Variants in RNASEL observed in about 807,000 individuals in gnomAD.
RNASEL encodes the protein ribonuclease L.
In RNASEL, 36 loss-of-function variants were observed where a neutral mutation model predicts 50.9. The observed-to-expected ratio is 0.71, with a 90% CI of 0.54 to 0.93. RNASEL has a LOEUF of 0.93. Among genes scored for constraint, RNASEL ranks in the 40% least tolerant of loss-of-function variants. RNASEL has a pLI of 0.00. For missense variants in RNASEL, 860 were observed against 894.5 expected (o/e 0.96, Z 0.49); for synonymous variants, 335 against 335.6 (o/e 1.00, Z 0.02).
chr1:182,584,278 G>A lies in RNASEL; in HGVS notation c.1481-112C>T, dbSNP rs1474476564. The A allele has an allele frequency of 1.4e-4, 109 of 771,628 alleles. 1 individual carries two copies. In the South Asian group the frequency reaches 1.5e-3, roughly 11 times the overall value. 47.8% of individuals were successfully genotyped at this position (771,628 alleles called of 1,614,324 possible). On this transcript the variant is annotated intron_variant, in intron 2 of 6. Coordinates refer to ENST00000367559, the MANE Select transcript of RNASEL (RefSeq NM_021133.4). ...TATAAAAATCATCATCTCTGTGGAA[G>A]GCAATAATAAACCTTATATCTGTAT...
intron 5 of RNASEL, chr1:182,580,106 G>A (rs1254402558): frequency 3.5e-5 from 13 of 375,406 alleles, no homozygotes; most frequent in Non-Finnish European, 6.3e-5. Flanking sequence ...TAATCATAAT[G>A]ATACTACGTA....
chr1:182,579,218 A>G (rs1436757065), intron 5 of RNASEL: 3 of 983,816 alleles, frequency 3.0e-6, no homozygotes, highest in Non-Finnish European at 3.6e-6. Flanking sequence ...ACCCTCTAAA[A>G]TTTATATTTT....
chr1:182,574,947 A>G lies in RNASEL; in HGVS notation c.*445T>C. On this transcript the variant is annotated 3_prime_UTR_variant, in exon 7 of 7. Coordinates refer to ENST00000367559, the MANE Select transcript of RNASEL (RefSeq NM_021133.4). ...TAAGGTGCCCAAATGAGAGGTACCA[A>G]TAACACCACATAAATTTATAAAGTG... 3.7e-6 allele frequency: 1 copy of G among 271,360 alleles called. No homozygotes were observed. Among genetic ancestry groups the G allele is most frequent in the Non-Finnish European group, 7.1e-6 (1 of 141,416 alleles). The allele number at this position is 271,360 out of a possible 1,614,324, so 16.8% of individuals were successfully genotyped here. A position where few individuals can be genotyped will look rare whatever the true frequency, so the allele number is the denominator to read the frequency against.
intron 3 of RNASEL, 72 bp downstream of exon 3, chr1:182,584,009 G>A: frequency 9.0e-7 from 1 of 1,116,070 alleles, no homozygotes; most frequent in Non-Finnish European, 1.4e-6. Flanking sequence ...TGTCCCTCTA[G>A]AGAACCCTGA....
intron 6 of RNASEL, among the ~76,000 whole-genome samples, chr1:182,576,042 C>CA (rs1661370735): frequency 6.6e-6 from 1 of 152,078 alleles, no homozygotes; most frequent in South Asian, 2.1e-4. Context: ...ATTTATCCAA[C>CA]AAAAAAATGA....
chr1:182,573,949 T>G lies in RNASEL; in HGVS notation c.*1443A>C, dbSNP rs967289949. 1 of 199,738 alleles carries G rather than the reference T, an allele frequency of 5.0e-6. No homozygotes were observed. The highest frequency in any genetic ancestry group is 2.3e-5 in the African/African-American group (1 of 43,526). 12.4% of individuals were successfully genotyped at this position (199,738 alleles called of 1,614,324 possible). On this transcript the variant is annotated 3_prime_UTR_variant, in exon 7 of 7. Transcript: ENST00000367559. ...GAACATCAGACTTAGCACCAGAAAATTTGTTCAAATCAAGATAGTAACACT... is the reference window on the plus strand; with the variant it reads ...GAACATCAGACTTAGCACCAGAAAAGTTGTTCAAATCAAGATAGTAACACT...
intron 5 of RNASEL, among the ~76,000 whole-genome samples, chr1:182,580,902 C>A (rs183379054): frequency 6.6e-6 from 1 of 152,082 alleles, no homozygotes; most frequent in Non-Finnish European, 1.5e-5. Flanking sequence ...GTCAGCTGCT[C>A]GTGCCATAAT....
rs572573821 is a variant in RNASEL, at chr1:182,575,209, T to C, written c.*183A>G. The C allele has an allele frequency of 1.3e-4, 83 of 632,522 alleles. No individual in the cohort carries two copies. The highest frequency in any genetic ancestry group is 4.3e-4 in the Middle Eastern group (1 of 2,322). The allele number at this position is 632,522 out of a possible 1,614,324, so 39.2% of individuals were successfully genotyped here. A position where few individuals can be genotyped will look rare whatever the true frequency, so the allele number is the denominator to read the frequency against. On this transcript the variant is annotated 3_prime_UTR_variant, in exon 7 of 7. Coordinates refer to ENST00000367559, the MANE Select transcript of RNASEL (RefSeq NM_021133.4). ...AGTGGGTAAAGCTTATGGACTAGTG[T>C]AGTCTGGGTATATATTGCTTTTGTT...
At position 182,582,085 on chromosome 1, in the gene RNASEL, C is replaced by A; in HGVS notation, c.1740G>T (p.Leu580=). 4 of 1,614,182 alleles carry A rather than the reference C, an allele frequency of 2.5e-6. No homozygotes were observed. The highest frequency in any genetic ancestry group is 3.4e-6 in the Non-Finnish European group (4 of 1,180,024). The change falls in exon 4 of 7, where the codon CTG becomes CTT. Residue 580 remains leucine, a synonymous_variant. Coordinates refer to ENST00000367559, the MANE Select transcript of RNASEL (RefSeq NM_021133.4). ...GEHVRDCLSD[L]LGHPFFWTWE... Reference sequence around the variant, plus strand: ...AAGTCCAAAAGAAGGGATGACCCAGCAGGTCACTCAGACAGTCCCTCACAT... The same window carrying A: ...AAGTCCAAAAGAAGGGATGACCCAGAAGGTCACTCAGACAGTCCCTCACAT...
At position 182,585,322 on chromosome 1, in the gene RNASEL, C is replaced by A. The variant is rs746291317; in HGVS notation, c.1480+5G>T. 1 of 1,613,616 alleles carries A rather than the reference C, an allele frequency of 6.2e-7. No individual in the cohort carries two copies. The highest frequency in any genetic ancestry group is 8.5e-7 in the Non-Finnish European group (1 of 1,179,742). ...CTAAGAGAGAATTGGGGATTGGGGA[C>A]TCACCTATTAAGATGTTTTGTGGTT... is the stretch of plus-strand genomic sequence containing the variant. On this transcript the variant is annotated splice_donor_5th_base_variant and intron_variant, in intron 2 of 6. Coordinates refer to ENST00000367559, the MANE Select transcript of RNASEL (RefSeq NM_021133.4).
In RNASEL at chr1:182,575,113, AT is replaced by A; in HGVS notation, c.*278del. 4.0e-6 allele frequency: 2 copies of A among 496,988 alleles called. No homozygotes were observed. The highest frequency in any genetic ancestry group is 4.8e-5 in the South Asian group (2 of 41,772). 30.8% of individuals were successfully genotyped at this position (496,988 alleles called of 1,614,324 possible). The stretch of plus-strand genomic sequence containing the variant: ...GTGAGAGAATTGTAACATATGCAGC[AT>A]TAGGGGTCAAGGCACTCATTCTTTT... On this transcript the variant is annotated 3_prime_UTR_variant, in exon 7 of 7. Coordinates refer to ENST00000367559, the MANE Select transcript of RNASEL (RefSeq NM_021133.4).
chr1:182,580,312 C>T lies in RNASEL; in HGVS notation c.1905+913G>A, dbSNP rs538975739. 1.2e-3 allele frequency among the ~76,000 whole-genome samples: 185 copies of T among 152,238 alleles called. 4 individuals are homozygous for T. In the South Asian group the frequency reaches 0.036, roughly 29 times the overall value. The stretch of plus-strand genomic sequence containing the variant: ...TTACAGTCTAGCAAGGAAAATGGAC[C>T]GTAAGCCAGTAATTATGAGTGTGAT... On this transcript the variant is annotated intron_variant, in intron 5 of 6. Coordinates refer to ENST00000367559, the MANE Select transcript of RNASEL (RefSeq NM_021133.4).
At chr1:182,588,463 A>C (rs148806659) in intron 1 of RNASEL, among the ~76,000 whole-genome samples, 140 of 152,344 alleles carry the variant, frequency 9.2e-4, no homozygotes, top group African/African-American at 3.2e-3. Context: ...ACACATGTGC[A>C]TATAGCTACT....
chr1:182,582,539 A>G (rs1661516728), intron 3 of RNASEL, among the ~76,000 whole-genome samples: 1 of 152,218 alleles, frequency 6.6e-6, no homozygotes, highest in Non-Finnish European at 1.5e-5. Context: ...CCTCAAATGT[A>G]TGGACAGAAT....
rs758397188 is a variant in RNASEL at position 182,586,389 on chromosome 1, C to A, written c.418G>T (p.Ala140Ser). 7.2e-5 allele frequency: 116 copies of A among 1,614,032 alleles called. No individual in the cohort carries two copies. The South Asian group carries it at 1.1e-3, about 15-fold the overall frequency. Residue 140 changes from alanine (A) to serine (S), a missense_variant, in exon 2 of 7, where the codon GCC becomes TCC. Transcript: ENST00000367559. ...MEAAVYGKVK[A>S]LKFLYKRGAN... ...CCTCTCTTATAAAGGAATTTTAGGG[C>A]TTTGACCTTACCATACACAGCGGCT...
rs1179837790 is a variant in RNASEL, at chr1:182,575,467, G to A, written c.2151C>T (p.Pro717=). ...LQNTEYRKHF[P]QTHSPNKPQC... ...GAGGCTTGTTTGGACTGTGGGTTTG[G>A]GGGAAATGCTTTCTATATTCTGTGT... Residue 717 remains proline (P), a synonymous_variant, in exon 7 of 7, where the codon CCC becomes CCT. Transcript: ENST00000367559. The A allele has an allele frequency of 1.2e-6, 2 of 1,614,156 alleles. No homozygotes were observed. The highest frequency in any genetic ancestry group is 1.7e-5 in the Admixed American group (1 of 60,028).
chr1:182,582,285 A>G, intron 3 of RNASEL, 27 bp from the exon 4 acceptor site: 1 of 1,613,338 alleles, frequency 6.2e-7, no homozygotes, highest in Admixed American at 1.7e-5. Flanking sequence ...AATCAAGCCA[A>G]AGATGCTTAC....
chr1:182,586,401 C>A lies in RNASEL; in HGVS notation c.406G>T (p.Gly136Cys), dbSNP rs1231897740. Residue 136 changes from glycine (G) to cysteine (C), a missense_variant, in exon 2 of 7, where the codon GGT becomes TGT. Physicochemically the swap from Gly to Cys is radical, Grantham distance 159. Coordinates refer to ENST00000367559, the MANE Select transcript of RNASEL (RefSeq NM_021133.4). ...FTAFMEAAVYGKVKALKFLYK... is the reference protein window; with the variant it reads ...FTAFMEAAVYCKVKALKFLYK... ...AGGAATTTTAGGGCTTTGACCTTAC[C>A]ATACACAGCGGCTTCCATGAAGGCT... 9 of 1,614,024 alleles carry A rather than the reference C, an allele frequency of 5.6e-6. No homozygotes were observed. The highest frequency in any genetic ancestry group is 7.6e-6 in the Non-Finnish European group (9 of 1,180,040).
chr1:182,581,310 G>A lies in RNASEL; in HGVS notation c.1820C>T (p.Thr607Ile), dbSNP rs773548267. The change falls in exon 5 of 7, where the codon ACA becomes ATA. Residue 607 changes from threonine to isoleucine, a missense_variant. Physicochemically the swap from Thr to Ile is moderately conservative, Grantham distance 89. Coordinates refer to ENST00000367559, the MANE Select transcript of RNASEL (RefSeq NM_021133.4). The part of the protein sequence containing the change: ...RNVGNESDIK[T>I]RKSESEILRL... ...GAGGATCTCACTTTCAGATTTTCGT[G>A]TTTTGATGTCGGATTCATTTCCCAC... 3 of 1,613,902 alleles carry A rather than the reference G, an allele frequency of 1.9e-6. No individual in the cohort carries two copies. Among genetic ancestry groups the A allele is most frequent in the Non-Finnish European group, 2.5e-6 (3 of 1,180,002 alleles).
Sources: allele counts gnomAD v4.1 joint callset (sites outside exome capture counted in the v4.1 genomes callset), GRCh38; gene constraint gnomAD v4.1.1; transcripts MANE v1.5; gene names NCBI Gene and HGNC (gene_info 2026-07-23, HGNC 2026-07-21).